Variants in NBAS observed in about 807,000 individuals in gnomAD.
NBAS encodes NBAS subunit of NRZ tethering complex, also known as NAG/BC035112 fusion.
In NBAS, 219 loss-of-function variants were observed where a neutral mutation model predicts 302.5. The ratio of observed to expected loss-of-function variants is 0.72; its 90% confidence interval spans 0.65 to 0.81. The LOEUF (loss-of-function observed/expected upper bound fraction) is 0.81. Among genes scored for constraint, NBAS ranks in the 30% least tolerant of loss-of-function variants. The pLI is 0.00. For synonymous variants in NBAS, 1,118 were observed against 1,021.6 expected (o/e 1.09, Z -1.80); for missense variants, 2,932 against 2,841.6 (o/e 1.03, Z -0.72).
chr2:15,385,318 C>T (rs1436706134), intron 28 of NBAS, among the ~76,000 whole-genome samples: 1 of 152,182 alleles, frequency 6.6e-6, no homozygotes, highest in East Asian at 1.9e-4. Flanking sequence ...CCATCTTGCA[C>T]ACACTTGATA....
intron 28 of NBAS, among the ~76,000 whole-genome samples, chr2:15,385,485 T>C (rs188275130): frequency 1.5e-5 from 2 of 130,644 alleles, no homozygotes; most frequent in Admixed American, 1.6e-4. Context: ...TATGCATTAC[T>C]TACAATGGCC....
intron 6 of NBAS, among the ~76,000 whole-genome samples, chr2:15,548,479 C>G (rs1337247994): frequency 1.3e-5 from 2 of 151,790 alleles, no homozygotes; most frequent in African/African-American, 4.8e-5. Flanking sequence ...GCATCTCTAT[C>G]AAAAATACAA....
Position 15,438,626 on chromosome 2 carries a change from G to C in NBAS, c.2340-10832C>G, listed in dbSNP as rs537696043. Among the ~76,000 whole-genome samples the C allele has an allele frequency of 2.3e-3, 345 of 152,316 alleles. 4 individuals are homozygous for C. Among genetic ancestry groups the C allele is most frequent in the Non-Finnish European group, 4.3e-4 (29 of 68,022 alleles). On this transcript the variant is annotated intron_variant, in intron 21 of 51. Transcript: ENST00000281513. Reference sequence around the variant, plus strand: ...AGCGCCCTCGCTCACTGCCTGAAGAGAAGTGACAGGCTGCAGCATAAAAAG... The same window carrying C: ...AGCGCCCTCGCTCACTGCCTGAAGACAAGTGACAGGCTGCAGCATAAAAAG...
At chr2:14,800,578 CTTGAT>C in the NBAS span, among the ~76,000 whole-genome samples, 1 of 152,122 alleles carries the variant, frequency 6.6e-6, no homozygotes, top group Admixed American at 6.6e-5. Flanking sequence ...CTATTTAGTG[CTTGAT>C]TTAAGGTACA....
At chr2:15,127,306 T>C in the NBAS span, among the ~76,000 whole-genome samples, 2 of 152,196 alleles carry the variant, frequency 1.3e-5, no homozygotes, top group Admixed American at 6.5e-5. Flanking sequence ...ATCCTTTCCA[T>C]CTGTATAATA....
rs1026479830 is a variant in NBAS at position 15,330,471 on chromosome 2, A to C, written c.4347+127T>G. ...ACTCCCTATCTGATGAGAGGCCTAC[A>C]TTTCTTAAGAGATTGTTTTAACAAT... On this transcript the variant is annotated intron_variant, in intron 36 of 51. Transcript: ENST00000281513. The C allele has an allele frequency of 3.1e-6, 4 of 1,286,526 alleles. No individual in the cohort carries two copies. In the African/African-American group the frequency reaches 5.9e-5, roughly 19 times the overall value. The allele number at this position is 1,286,526 out of a possible 1,614,324, so 79.7% of individuals were successfully genotyped here. A position where few individuals can be genotyped will look rare whatever the true frequency, so the allele number is the denominator to read the frequency against.
intron 35 of NBAS, among the ~76,000 whole-genome samples, chr2:15,346,532 G>A (rs952612546): frequency 2.0e-5 from 3 of 152,176 alleles, no homozygotes; most frequent in Non-Finnish European, 4.4e-5. Flanking sequence ...GAAGAAATAG[G>A]AATGCTTTTA....
At chr2:15,507,354 T>C (rs1056250305) in intron 10 of NBAS, among the ~76,000 whole-genome samples, 2 of 152,162 alleles carry the variant, frequency 1.3e-5, no homozygotes, top group African/African-American at 2.4e-5. Context: ...CTCGTGGAAA[T>C]AGGATTTCAA....
chr2:15,504,544 A>T (rs534824402), intron 10 of NBAS, among the ~76,000 whole-genome samples: 1 of 152,338 alleles, frequency 6.6e-6, no homozygotes, highest in African/African-American at 2.4e-5. Context: ...ACATCAGTAT[A>T]GAAAAAGCTA....
chr2:14,837,677 C>T, the NBAS span, among the ~76,000 whole-genome samples: 1 of 151,014 alleles, frequency 6.6e-6, no homozygotes, highest in East Asian at 1.9e-4. Flanking sequence ...TTGAAATCTA[C>T]CTTCTTTCTC....
rs747092390 is a variant in NBAS, at chr2:15,558,636, T to C, written c.118-2A>G. The C allele has an allele frequency of 3.1e-6, 5 of 1,611,614 alleles. No homozygotes were observed. The highest frequency in any genetic ancestry group is 1.1e-5 in the South Asian group (1 of 90,594). On this transcript the variant is annotated splice_acceptor_variant, in intron 1 of 51. Coordinates refer to ENST00000281513, the MANE Select transcript of NBAS (RefSeq NM_015909.4). LOFTEE classifies it high-confidence loss of function. Reference sequence around the variant, plus strand: ...ACCATGTTTTTGGTTGCCTCTAGGCTGGAATTTAAAACAAAAAACACTTAC... The same window carrying C: ...ACCATGTTTTTGGTTGCCTCTAGGCCGGAATTTAAAACAAAAAACACTTAC...
At chr2:15,527,590 A>G (rs1662972238) in intron 9 of NBAS, among the ~76,000 whole-genome samples, 1 of 152,186 alleles carries the variant, frequency 6.6e-6, no homozygotes, top group Non-Finnish European at 1.5e-5. Flanking sequence ...CTCTTCTATC[A>G]GGGCCTTAAA....
chr2:15,545,039 C>T (rs1232650801), intron 6 of NBAS, among the ~76,000 whole-genome samples: 6 of 151,794 alleles, frequency 4.0e-5, no homozygotes, highest in South Asian at 4.2e-4. Flanking sequence ...CCAATACCCG[C>T]GCTATACCCA....
intron 42 of NBAS, among the ~76,000 whole-genome samples, chr2:15,285,420 T>C (rs181193838): frequency 4.6e-5 from 7 of 152,298 alleles, no homozygotes; most frequent in Admixed American, 4.6e-4. Context: ...GCTCTTCCTC[T>C]ACCATTTTAA....
intron 47 of NBAS, among the ~76,000 whole-genome samples, chr2:15,226,473 A>G (rs930406919): frequency 1.3e-5 from 2 of 152,228 alleles, no homozygotes; most frequent in African/African-American, 4.8e-5. Flanking sequence ...ATATGATGTT[A>G]TAAATACACA....
At chr2:15,074,064 T>C in the NBAS span, among the ~76,000 whole-genome samples, 1 of 152,116 alleles carries the variant, frequency 6.6e-6, no homozygotes, top group African/African-American at 2.4e-5. Context: ...AAATATGTTA[T>C]AAAGTTACAA....
At chr2:15,519,645 A>G (rs1201152512) in intron 9 of NBAS, among the ~76,000 whole-genome samples, 1 of 152,024 alleles carries the variant, frequency 6.6e-6, no homozygotes. Flanking sequence ...GGATCTCCCT[A>G]TGTAGCCCAG....
intron 48 of NBAS, among the ~76,000 whole-genome samples, chr2:15,205,388 C>T (rs1666091751): frequency 6.6e-6 from 1 of 151,876 alleles, no homozygotes; most frequent in Admixed American, 6.6e-5. Flanking sequence ...ACAACAAAAA[C>T]AGCAGGAGTA....
intron 25 of NBAS, among the ~76,000 whole-genome samples, chr2:15,408,800 G>A (rs369382190): frequency 1.2e-4 from 19 of 152,120 alleles, no homozygotes; most frequent in African/African-American, 3.9e-4. Context: ...TATAAAATGC[G>A]AACAATGATA....
Sources: allele counts gnomAD v4.1 joint callset (sites outside exome capture counted in the v4.1 genomes callset), GRCh38; gene constraint gnomAD v4.1.1; transcripts MANE v1.5; gene names NCBI Gene and HGNC (gene_info 2026-07-23, HGNC 2026-07-21).